ANKRD36B: variants seen among roughly 807,000 people sequenced by gnomAD.
ANKRD36B encodes the protein ankyrin repeat domain 36B.
ANKRD36B carries 37 observed loss-of-function variants against 135.7 expected under a neutral mutation model. That is an observed-to-expected ratio of 0.27 (90% confidence interval 0.21 to 0.36). The LOEUF (loss-of-function observed/expected upper bound fraction) is 0.36, where lower values mean the gene tolerates loss of function less well. Ranked by LOEUF, ANKRD36B falls within the 10% of genes least tolerant of loss-of-function variation. The pLI is 1.00. For synonymous variants in ANKRD36B, 179 were observed against 348.1 expected (o/e 0.51, Z 5.41); for missense variants, 549 against 1,037.1 (o/e 0.53, Z 6.46).
At chr2:97,566,042 A>AGT (rs1216829587) in intron 6 of ANKRD36B, among the ~76,000 whole-genome samples, 1 of 151,958 alleles carries the variant, frequency 6.6e-6, no homozygotes, top group Non-Finnish European at 1.5e-5. Context: ...GGCTGGGCAC[A>AGT]GTGGCTCATG....
intron 14 of ANKRD36B, 79 bp from the exon 15 acceptor site, chr2:97,553,450 A>G: frequency 6.7e-7 from 1 of 1,488,504 alleles, no homozygotes; most frequent in Non-Finnish European, 9.3e-7. Flanking sequence ...TGTTAGCATC[A>G]AGCTGTATCC....
rs951464956 is a variant in ANKRD36B, at chr2:97,525,729, A to C, written c.2266-2262T>G. Reference sequence around the variant, plus strand: ...ACTGCACTTTTCCAATGGGCTTAAAAAATGGCGCACCAGGAGATTATATCC... The same window carrying C: ...ACTGCACTTTTCCAATGGGCTTAAACAATGGCGCACCAGGAGATTATATCC... On this transcript the variant is annotated intron_variant, in intron 35 of 43. Coordinates refer to ENST00000359901, the MANE Select transcript of ANKRD36B (RefSeq NM_001393939.1). Among the ~76,000 whole-genome samples, 6 of 97,910 alleles carry C rather than the reference A, an allele frequency of 6.1e-5. 1 individual carries two copies. Among genetic ancestry groups the C allele is most frequent in the African/African-American group, 1.8e-4 (6 of 32,738 alleles). 64.2% of individuals were successfully genotyped at this position (97,910 alleles called of 152,430 possible). A position where few individuals can be genotyped will look rare whatever the true frequency, so the allele number is the denominator to read the frequency against.
In ANKRD36B at chr2:97,566,274, T is replaced by C. The variant is rs576514542; in HGVS notation, c.764-5414A>G. Among the ~76,000 whole-genome samples the C allele has an allele frequency of 6.2e-4, 94 of 152,172 alleles. 1 individual carries two copies. The highest frequency in any genetic ancestry group is 2.0e-3 in the African/African-American group (85 of 41,526). On this transcript the variant is annotated intron_variant, in intron 6 of 43. Coordinates refer to ENST00000359901, the MANE Select transcript of ANKRD36B (RefSeq NM_001393939.1). ...AGGCAGAGGTTGCAGTGAGCCGAGATTGTGCCATTCCACTCCAGCCTGGGT... is the reference window on the plus strand; with the variant it reads ...AGGCAGAGGTTGCAGTGAGCCGAGACTGTGCCATTCCACTCCAGCCTGGGT...
In ANKRD36B at chr2:97,578,911, A is replaced by G. The variant is rs367883051; in HGVS notation, c.690T>C (p.Asn230=). 1.4e-5 allele frequency: 23 copies of G among 1,612,652 alleles called. No individual in the cohort carries two copies. Among genetic ancestry groups the G allele is most frequent in the Admixed American group, 3.3e-5 (2 of 59,944 alleles). ...CTTTTTACGTAAAGACTTACACTCT[A>G]TTCTCAGCCTCACTGGCATAATCTT... ...LAEDYASEAE[N]RVIFDLIYEY... Residue 230 remains asparagine (N), a synonymous_variant, in exon 5 of 44, where the codon AAT becomes AAC. Coordinates refer to ENST00000359901, the MANE Select transcript of ANKRD36B (RefSeq NM_001393939.1).
At chr2:97,563,675 G>A (rs1341737624) in intron 6 of ANKRD36B, among the ~76,000 whole-genome samples, 1 of 152,056 alleles carries the variant, frequency 6.6e-6, no homozygotes, top group African/African-American at 2.4e-5. Flanking sequence ...TCTCTGAAAA[G>A]CACACACTGG....
intron 43 of ANKRD36B, among the ~76,000 whole-genome samples, chr2:97,496,841 A>G (rs1393193955): frequency 1.4e-5 from 1 of 72,020 alleles, no homozygotes; most frequent in Non-Finnish European, 3.1e-5. Flanking sequence ...GTGTATATAT[A>G]TATATATATA....
rs1269359732 is a variant in ANKRD36B, at chr2:97,530,688, A to C, written c.2265+1623T>G. Among the ~76,000 whole-genome samples the C allele has an allele frequency of 2.1e-5, 2 of 93,714 alleles. 1 individual carries two copies. The highest frequency in any genetic ancestry group is 5.7e-5 in the Non-Finnish European group (2 of 35,190). 61.5% of individuals were successfully genotyped at this position (93,714 alleles called of 152,430 possible). A position where few individuals can be genotyped will look rare whatever the true frequency, so the allele number is the denominator to read the frequency against. ...AAGGGCTAATATCCAGAATCTACAA[A>C]GAACTCAAACAAATTTACAAGAAAA... On this transcript the variant is annotated intron_variant, in intron 35 of 43. Transcript: ENST00000359901.
intron 6 of ANKRD36B, among the ~76,000 whole-genome samples, chr2:97,565,592 T>A (rs1197945245): frequency 1.9e-5 from 2 of 103,336 alleles, no homozygotes; most frequent in African/African-American, 5.8e-5. Context: ...CCAACAAACA[T>A]CTGAAAAAAA....
At chr2:97,581,738 A>G (rs558556945) in intron 3 of ANKRD36B, among the ~76,000 whole-genome samples, 1 of 152,320 alleles carries the variant, frequency 6.6e-6, no homozygotes, top group Non-Finnish European at 1.5e-5. Flanking sequence ...AAGCTCTAAT[A>G]ATGACCTATA....
At chr2:97,540,672 A>G (rs1290536400) in intron 28 of ANKRD36B, among the ~76,000 whole-genome samples, 1 of 96,120 alleles carries the variant, frequency 1.0e-5, no homozygotes, top group Admixed American at 9.3e-5. Flanking sequence ...AACTTGCCCG[A>G]TAACAGAGAA....
rs2104175092 is a variant in ANKRD36B, at chr2:97,494,180, G to A, written c.*7-1325C>T. Reference sequence around the variant, plus strand: ...GCAACACAGAATAACACAGAAAAGAGCAACACGGAAAAACACAAATTTTTG... The same window carrying A: ...GCAACACAGAATAACACAGAAAAGAACAACACGGAAAAACACAAATTTTTG... On this transcript the variant is annotated intron_variant, in intron 43 of 43. Transcript: ENST00000359901. Among the ~76,000 whole-genome samples, 2 of 101,378 alleles carry A rather than the reference G, an allele frequency of 2.0e-5. 1 individual carries two copies. Among genetic ancestry groups the A allele is most frequent in the Non-Finnish European group, 5.4e-5 (2 of 37,026 alleles). 66.5% of individuals were successfully genotyped at this position (101,378 alleles called of 152,430 possible). A position where few individuals can be genotyped will look rare whatever the true frequency, so the allele number is the denominator to read the frequency against.
intron 4 of ANKRD36B, 82 bp from the exon 5 acceptor site, chr2:97,579,125 C>T: frequency 5.3e-6 from 7 of 1,329,186 alleles, no homozygotes; most frequent in Non-Finnish European, 6.2e-6. Context: ...TAACATGTTG[C>T]CTGTCCATGT....
Position 97,524,882 on chromosome 2 carries a change from CA to C in ANKRD36B, c.2266-1416del, listed in dbSNP as rs2078109906. ...ATATATAAAGAGGTCCTTTCTATCA[CA>C]ACACTTTTTCACTACTAGTTGTTGA... On this transcript the variant is annotated intron_variant, in intron 35 of 43. Coordinates refer to ENST00000359901, the MANE Select transcript of ANKRD36B (RefSeq NM_001393939.1). 5 of 97,128 alleles carry C rather than the reference CA, an allele frequency of 5.1e-5. 2 individuals carry two copies. The highest frequency in any genetic ancestry group is 1.5e-4 in the African/African-American group (5 of 32,312). 6.0% of individuals were successfully genotyped at this position (97,128 alleles called of 1,614,324 possible). A position where few individuals can be genotyped will look rare whatever the true frequency, so the allele number is the denominator to read the frequency against.
intron 14 of ANKRD36B, among the ~76,000 whole-genome samples, chr2:97,554,444 T>C (rs1229805216): frequency 6.6e-6 from 1 of 151,954 alleles, no homozygotes; most frequent in Non-Finnish European, 1.5e-5. Flanking sequence ...CTAGCTTTCT[T>C]TGCTTCATCC....
Position 97,580,399 on chromosome 2 carries a change from C to G in ANKRD36B, c.557+63G>C. On this transcript the variant is annotated intron_variant, in intron 4 of 43. Coordinates refer to ENST00000359901, the MANE Select transcript of ANKRD36B (RefSeq NM_001393939.1). Reference sequence around the variant, plus strand: ...AATGTAATATTTGTGACTTGAGTGACTGCTACCACTCTAAAATGACACTCA... The same window carrying G: ...AATGTAATATTTGTGACTTGAGTGAGTGCTACCACTCTAAAATGACACTCA... 7.2e-6 allele frequency: 10 copies of G among 1,391,968 alleles called. No individual in the cohort carries two copies. The South Asian group carries it at 1.3e-4, about 18-fold the overall frequency. 86.2% of individuals were successfully genotyped at this position (1,391,968 alleles called of 1,614,324 possible).
intron 22 of ANKRD36B, among the ~76,000 whole-genome samples, chr2:97,546,219 G>A (rs1250114645): frequency 6.6e-6 from 1 of 151,720 alleles, no homozygotes; most frequent in Non-Finnish European, 1.5e-5. Flanking sequence ...GGTGCTACAT[G>A]ATCCCACATG....
At chr2:97,534,840 A>G (rs555665968) in intron 34 of ANKRD36B, among the ~76,000 whole-genome samples, 1 of 97,334 alleles carries the variant, frequency 1.0e-5, no homozygotes, top group South Asian at 2.3e-4. Flanking sequence ...ACGATTCAAA[A>G]GCAAGAAAAT....
At chr2:97,578,154 T>C (rs1478187028) in intron 5 of ANKRD36B, among the ~76,000 whole-genome samples, 47 of 150,346 alleles carry the variant, frequency 3.1e-4, no homozygotes, top group African/African-American at 9.2e-4. Context: ...TGTGTGTTGA[T>C]AAAGTTAGAA....
chr2:97,527,032 C>A (rs2078252743), intron 35 of ANKRD36B, among the ~76,000 whole-genome samples: 1 of 95,714 alleles, frequency 1.0e-5, no homozygotes, highest in South Asian at 2.4e-4. Context: ...GGCCAACATT[C>A]AGATTCAGGA....
Sources: allele counts gnomAD v4.1 joint callset (sites outside exome capture counted in the v4.1 genomes callset), GRCh38; gene constraint gnomAD v4.1.1; transcripts MANE v1.5; gene names NCBI Gene and HGNC (gene_info 2026-07-23, HGNC 2026-07-21).